The following DMXL1 variants were observed in gnomAD, a reference collection of about 807,000 sequenced individuals.
DMXL1 encodes the protein Dmx like 1, also known as dmX-like protein 1.
In DMXL1, 99 loss-of-function variants were observed where a neutral mutation model predicts 319.2. That is an observed-to-expected ratio of 0.31 (90% CI 0.26 to 0.37). The LOEUF (loss-of-function observed/expected upper bound fraction) is 0.37. DMXL1 is among the 10% of genes least tolerant of loss of function. The pLI is 1.00. For synonymous variants in DMXL1, 1,385 were observed against 1,235.2 expected (o/e 1.12, Z -2.54); for missense variants, 3,745 against 3,595.6 (o/e 1.04, Z -1.06).
intron 3 of DMXL1, among the ~76,000 whole-genome samples, chr5:119,103,096 T>TAA (rs201265021): frequency 6.7e-6 from 1 of 149,378 alleles, no homozygotes; most frequent in African/African-American, 2.5e-5. Flanking sequence ...TTTTTTTTTT[T>TAA]AAAAAAAAAG....
chr5:119,170,083 C>A (rs1017293812), intron 23 of DMXL1, 107 bp from the exon 24 acceptor site: 3 of 1,230,212 alleles, frequency 2.4e-6, no homozygotes, highest in Non-Finnish European at 3.3e-6. Context: ...AAAATTTTGT[C>A]AAAAGACTCT....
intron 5 of DMXL1, among the ~76,000 whole-genome samples, chr5:119,114,184 T>G (rs1760294179): frequency 6.6e-6 from 1 of 152,238 alleles, no homozygotes; most frequent in East Asian, 1.9e-4. Flanking sequence ...ATTTTCAGAT[T>G]TAAAAAATGA....
In DMXL1 at chr5:119,171,289, T is replaced by A. The variant is rs1199654066; in HGVS notation, c.6489+9T>A. On this transcript the variant is annotated intron_variant, in intron 24 of 43. Coordinates refer to ENST00000539542, the MANE Select transcript of DMXL1 (RefSeq NM_001290321.3). Reference sequence around the variant, plus strand: ...TGCAAGAATCTCAGCAGGTATGTAATTTACTTGATAGTCAAAAATGGTACA... The same window carrying A: ...TGCAAGAATCTCAGCAGGTATGTAAATTACTTGATAGTCAAAAATGGTACA... The A allele has an allele frequency of 6.4e-7, 1 of 1,568,040 alleles. No homozygotes were observed. The highest frequency in any genetic ancestry group is 8.6e-7 in the Non-Finnish European group (1 of 1,158,194).
intron 1 of DMXL1, among the ~76,000 whole-genome samples, chr5:119,075,816 TGGCCTCCC>T (rs1466989409): frequency 1.3e-5 from 2 of 151,932 alleles, no homozygotes; most frequent in Admixed American, 6.6e-5. Flanking sequence ...CCTCCCGCCT[TGGCCTCCC>T]AGGCTGCTGG....
At chr5:119,205,979 CTCTT>C (rs1201497326) in intron 33 of DMXL1, among the ~76,000 whole-genome samples, 4 of 152,030 alleles carry the variant, frequency 2.6e-5, no homozygotes, top group Admixed American at 6.6e-5. Flanking sequence ...CTGAGAACTG[CTCTT>C]TCTTTATTTC....
intron 4 of DMXL1, among the ~76,000 whole-genome samples, chr5:119,107,819 G>A (rs905372949): frequency 1.3e-5 from 2 of 152,070 alleles, no homozygotes; most frequent in Non-Finnish European, 2.9e-5. Flanking sequence ...GAAACCTTCT[G>A]TCTAGTTGCT....
intron 7 of DMXL1, among the ~76,000 whole-genome samples, chr5:119,116,898 C>T (rs1276626048): frequency 6.6e-6 from 1 of 151,968 alleles, no homozygotes; most frequent in Non-Finnish European, 1.5e-5. Context: ...ACATACATAT[C>T]CTCAGTATCT....
chr5:119,103,439 C>A (rs758857249), intron 3 of DMXL1, among the ~76,000 whole-genome samples: 3 of 152,090 alleles, frequency 2.0e-5, no homozygotes, highest in Non-Finnish European at 4.4e-5. Context: ...ATGAATAAGG[C>A]AGTAGAGTAG....
chr5:119,233,761 G>A lies in DMXL1; in HGVS notation c.8466+294G>A, dbSNP rs774570655. Among the ~76,000 whole-genome samples the A allele has an allele frequency of 9.9e-5, 15 of 152,008 alleles. No homozygotes were observed. The South Asian group carries it at 1.5e-3, about 15-fold the overall frequency. ...AATGCTCCTACTCTCTTTATCCCTC[G>A]GAACCTACTCAGTGTGTGATCCAGC... is the stretch of plus-strand genomic sequence containing the variant. On this transcript the variant is annotated intron_variant, in intron 39 of 43. Transcript: ENST00000539542.
At chr5:119,118,179 T>G (rs1340842990) in intron 7 of DMXL1, among the ~76,000 whole-genome samples, 2 of 152,216 alleles carry the variant, frequency 1.3e-5, no homozygotes, top group Non-Finnish European at 2.9e-5. Context: ...GGGGAAGTGT[T>G]TAGTACTTTA....
intron 33 of DMXL1, 60 bp from the exon 34 acceptor site, chr5:119,206,774 A>G (rs1781821317): frequency 3.0e-6 from 3 of 1,010,736 alleles, no homozygotes; most frequent in African/African-American, 3.3e-5. Context: ...AATCCCCAGT[A>G]TTTTGCATGT....
chr5:119,089,238 A>G (rs1754044179), intron 1 of DMXL1, among the ~76,000 whole-genome samples: 1 of 138,708 alleles, frequency 7.2e-6, no homozygotes, highest in Non-Finnish European at 1.5e-5. Flanking sequence ...CTTTTGCCAG[A>G]CAAATTGGAG....
intron 19 of DMXL1, among the ~76,000 whole-genome samples, chr5:119,156,470 A>G (rs1244392275): frequency 6.6e-6 from 1 of 152,178 alleles, no homozygotes. Flanking sequence ...CTGCCTATAT[A>G]TACGATATTT....
At chr5:119,205,324 A>T (rs996533890) in intron 33 of DMXL1, among the ~76,000 whole-genome samples, 1 of 152,190 alleles carries the variant, frequency 6.6e-6, no homozygotes, top group Non-Finnish European at 1.5e-5. Flanking sequence ...GAAATAGAGT[A>T]GTATAGTCAA....
Position 119,247,342 on chromosome 5 carries a change from T to C in DMXL1, c.*123T>C, listed in dbSNP as rs962765674. 3.1e-5 allele frequency: 23 copies of C among 734,614 alleles called. No individual in the cohort carries two copies. The East Asian group carries it at 5.2e-4, about 17-fold the overall frequency. 45.5% of individuals were successfully genotyped at this position (734,614 alleles called of 1,614,324 possible). On this transcript the variant is annotated 3_prime_UTR_variant, in exon 44 of 44. Transcript: ENST00000539542. ...CTTTCTTGTTTTTATATTTATTTTATGGAGCTTTGCCCTTGATGCACTGAT... is the reference window on the plus strand; with the variant it reads ...CTTTCTTGTTTTTATATTTATTTTACGGAGCTTTGCCCTTGATGCACTGAT...
chr5:119,091,502 G>T (rs1040624223), intron 1 of DMXL1, among the ~76,000 whole-genome samples: 4 of 152,208 alleles, frequency 2.6e-5, no homozygotes, highest in African/African-American at 9.7e-5. Context: ...GATCCACTGT[G>T]CTTGGCCTGC....
At chr5:119,186,242 C>T (rs79845305) in intron 28 of DMXL1, among the ~76,000 whole-genome samples, 2,311 of 152,164 alleles carry the variant, frequency 0.015, 24 homozygotes, top group Non-Finnish European at 0.025. Flanking sequence ...AGAGTGAGAC[C>T]TGCTGGTTAC....
At chr5:119,210,759 T>TG (rs1782654374) in intron 34 of DMXL1, among the ~76,000 whole-genome samples, 1 of 143,026 alleles carries the variant, frequency 7.0e-6, no homozygotes, top group South Asian at 2.2e-4. Flanking sequence ...TTTCTTTCGT[T>TG]TTTTTTTTTT....
At position 119,149,783 on chromosome 5, in the gene DMXL1, C is replaced by T. The variant is rs1435186327; in HGVS notation, c.3956C>T (p.Ser1319Phe). ...SGLFEAAHVL[S>F]PTLPQYHPLQ... ...CTTTTTGAAGCAGCTCATGTACTTT[C>T]CCCGACTCTACCTCAGTATCATCCC... is the stretch of plus-strand genomic sequence containing the variant. Residue 1319 changes from serine to phenylalanine, a missense_variant, in exon 18 of 44, where the codon TCC becomes TTC. Transcript: ENST00000539542. The T allele has an allele frequency of 6.2e-7, 1 of 1,613,938 alleles. No individual in the cohort carries two copies. The highest frequency in any genetic ancestry group is 1.3e-5 in the African/African-American group (1 of 75,012).
Sources: allele counts gnomAD v4.1 joint callset (sites outside exome capture counted in the v4.1 genomes callset), GRCh38; gene constraint gnomAD v4.1.1; transcripts MANE v1.5; gene names NCBI Gene and HGNC (gene_info 2026-07-23, HGNC 2026-07-21).